Variants in SLC24A3 observed in about 807,000 individuals in gnomAD.
The protein encoded by SLC24A3 is sodium/potassium/calcium exchanger 3.
In SLC24A3, 28 loss-of-function variants were observed where a neutral mutation model predicts 75.8. The observed-to-expected ratio is 0.37, with a 90% CI of 0.27 to 0.51. SLC24A3 has a LOEUF of 0.51. SLC24A3 is among the 20% of genes least tolerant of loss of function. The pLI, the probability that SLC24A3 is intolerant of heterozygous loss-of-function variation, is 0.94. For missense variants in SLC24A3, 663 were observed against 847.8 expected (o/e 0.78, Z 2.71); for synonymous variants, 372 against 334.1 (o/e 1.11, Z -1.24).
intron 2 of SLC24A3, among the ~76,000 whole-genome samples, chr20:19,436,177 A>G (rs1301144699): frequency 6.6e-6 from 1 of 152,188 alleles, no homozygotes; most frequent in Admixed American, 6.5e-5. Flanking sequence ...TTCATATCCT[A>G]TACTAATATA....
At chr20:19,250,288 A>C (rs560882504) in intron 1 of SLC24A3, among the ~76,000 whole-genome samples, 1 of 152,236 alleles carries the variant, frequency 6.6e-6, no homozygotes, top group Non-Finnish European at 1.5e-5. Context: ...AATTTCCACT[A>C]TCTTGATTGC....
rs200759376 is a variant in SLC24A3, at chr20:19,283,211, C to T, written c.271+2124C>T. 248 of 152,754 alleles carry T rather than the reference C, an allele frequency of 1.6e-3. 1 individual carries two copies. The highest frequency in any genetic ancestry group is 3.9e-3 in the Admixed American group (59 of 15,296). The allele number at this position is 152,754 out of a possible 1,614,324, so 9.5% of individuals were successfully genotyped here. A position where few individuals can be genotyped will look rare whatever the true frequency, so the allele number is the denominator to read the frequency against. The stretch of plus-strand genomic sequence containing the variant: ...AACCAAATTCCACAAGGAAGATGAT[C>T]ATGCCTGAAACAGGAGAAGTTCTGT... On this transcript the variant is annotated intron_variant, in intron 2 of 16. Coordinates refer to ENST00000328041, the MANE Select transcript of SLC24A3 (RefSeq NM_020689.4).
intron 1 of SLC24A3, among the ~76,000 whole-genome samples, chr20:19,238,478 A>G (rs1254725533): frequency 6.6e-6 from 1 of 152,184 alleles, no homozygotes; most frequent in Non-Finnish European, 1.5e-5. Flanking sequence ...TGTATACTCC[A>G]GAGTGGAATG....
At chr20:19,533,538 G>T (rs1568647174) in intron 3 of SLC24A3, among the ~76,000 whole-genome samples, 1 of 152,020 alleles carries the variant, frequency 6.6e-6, no homozygotes, top group South Asian at 2.1e-4. Context: ...CAGGTGAAGG[G>T]GTCAAGGAAG....
chr20:19,621,107 A>G (rs1186124000), intron 6 of SLC24A3, among the ~76,000 whole-genome samples: 1 of 152,208 alleles, frequency 6.6e-6, no homozygotes, highest in Admixed American at 6.5e-5. Context: ...GCAGGTAACA[A>G]AAGGAGGCAA....
chr20:19,295,916 A>G (rs923868944), intron 2 of SLC24A3, among the ~76,000 whole-genome samples: 1 of 152,124 alleles, frequency 6.6e-6, no homozygotes, highest in African/African-American at 2.4e-5. Flanking sequence ...TGTTTGGAAT[A>G]GTTTCAGAAG....
chr20:19,537,447 A>T (rs1600271254), intron 3 of SLC24A3, among the ~76,000 whole-genome samples: 1 of 152,302 alleles, frequency 6.6e-6, no homozygotes, highest in East Asian at 1.9e-4. Context: ...AACTAGTTCA[A>T]CCATTGTGGA....
chr20:19,323,205 CAAAAAAAA>C (rs1172583632), intron 2 of SLC24A3, among the ~76,000 whole-genome samples: 1 of 61,130 alleles, frequency 1.6e-5, no homozygotes. Flanking sequence ...GACTCCGTCT[CAAAAAAAA>C]AAAAAAAAAA....
chr20:19,608,749 G>A (rs1298821745), intron 6 of SLC24A3, among the ~76,000 whole-genome samples: 1 of 152,182 alleles, frequency 6.6e-6, no homozygotes. Flanking sequence ...GCTGTTGGCA[G>A]GTTGCATAGG....
chr20:19,718,753 T>A (rs527910474), intron 16 of SLC24A3, among the ~76,000 whole-genome samples: 1 of 152,292 alleles, frequency 6.6e-6, no homozygotes, highest in African/African-American at 2.4e-5. Context: ...ATTTTAAACA[T>A]CTTAAGTTTG....
At chr20:19,214,478 A>G (rs1014900726) in intron 1 of SLC24A3, among the ~76,000 whole-genome samples, 10 of 151,988 alleles carry the variant, frequency 6.6e-5, no homozygotes, top group African/African-American at 2.4e-4. Context: ...AGTTCATGCC[A>G]CCTTTGGAAA....
intron 2 of SLC24A3, among the ~76,000 whole-genome samples, chr20:19,333,194 G>T (rs929038134): frequency 1.3e-5 from 2 of 152,232 alleles, no homozygotes. Flanking sequence ...GGAGTGAGGG[G>T]ATGTGTAGTG....
At chr20:19,318,859 TTC>T (rs1984642563) in intron 2 of SLC24A3, among the ~76,000 whole-genome samples, 1 of 152,094 alleles carries the variant, frequency 6.6e-6, no homozygotes, top group South Asian at 2.1e-4. Flanking sequence ...GAGATAAATA[TTC>T]TGTCTTGTTC....
chr20:19,448,670 C>A (rs1987429408), intron 2 of SLC24A3, among the ~76,000 whole-genome samples: 1 of 152,186 alleles, frequency 6.6e-6, no homozygotes, highest in African/African-American at 2.4e-5. Context: ...GTTCAAGCTA[C>A]CTTTTGGTCA....
chr20:19,221,042 C>G lies in SLC24A3; in HGVS notation c.142+8058C>G, dbSNP rs114104448. ...CCTTCACCACTAATTTAAACTTAAACTTCTCTCCAGTTGCCTAGATTTCCT... is the reference window on the plus strand; with the variant it reads ...CCTTCACCACTAATTTAAACTTAAAGTTCTCTCCAGTTGCCTAGATTTCCT... On this transcript the variant is annotated intron_variant, in intron 1 of 16. Transcript: ENST00000328041. 8.9e-3 allele frequency among the ~76,000 whole-genome samples: 1,355 copies of G among 152,272 alleles called. 20 individuals are homozygous for G. The highest frequency in any genetic ancestry group is 0.03 in the African/African-American group (1,237 of 41,558).
At position 19,500,989 on chromosome 20, in the gene SLC24A3, G is replaced by A. The variant is rs377646784; in HGVS notation, c.272-14499G>A. ...CTACCACTACCTCTTGCATTATTTTGTCTTGTAATAATTGTATTACTTTAT... is the reference window on the plus strand; with the variant it reads ...CTACCACTACCTCTTGCATTATTTTATCTTGTAATAATTGTATTACTTTAT... On this transcript the variant is annotated intron_variant, in intron 2 of 16. Transcript: ENST00000328041. 4.6e-5 allele frequency among the ~76,000 whole-genome samples: 7 copies of A among 152,236 alleles called. No individual in the cohort carries two copies. The East Asian group carries it at 9.6e-4, about 21-fold the overall frequency.
At chr20:19,382,555 G>A (rs1986200596) in intron 2 of SLC24A3, among the ~76,000 whole-genome samples, 1 of 152,154 alleles carries the variant, frequency 6.6e-6, no homozygotes, top group African/African-American at 2.4e-5. Flanking sequence ...TGTCCTTCCT[G>A]ATTTGGGAGC....
At chr20:19,565,505 G>C (rs775505334) in intron 3 of SLC24A3, among the ~76,000 whole-genome samples, 80 of 152,238 alleles carry the variant, frequency 5.3e-4, no homozygotes, top group Middle Eastern at 3.4e-3. Context: ...TTCTGTGCAG[G>C]TGAGGCTAAG....
At chr20:19,310,238 T>G (rs1984427229) in intron 2 of SLC24A3, among the ~76,000 whole-genome samples, 1 of 152,154 alleles carries the variant, frequency 6.6e-6, no homozygotes, top group African/African-American at 2.4e-5. Context: ...ACTCAGAGTG[T>G]GGCCTCAGGC....
Sources: gnomAD v4.1 joint callset for allele counts (sites outside exome capture counted in the v4.1 genomes callset) on GRCh38, gnomAD v4.1.1 for gene constraint, MANE v1.5 for transcripts, NCBI Gene and HGNC (gene_info 2026-07-23, HGNC 2026-07-21) for gene names.